The following HADHB variants were observed in gnomAD, a reference collection of about 807,000 sequenced individuals.
HADHB encodes the protein hydroxyacyl-CoA dehydrogenase trifunctional multienzyme complex subunit beta.
In HADHB, 50 loss-of-function variants were observed where a neutral mutation model predicts 61.9. That is an observed-to-expected ratio of 0.81 (90% CI 0.64 to 1.02). HADHB has a LOEUF of 1.02. HADHB is among the 50% of genes least tolerant of loss of function. HADHB has a pLI of 0.00. For missense variants in HADHB, 504 were observed against 586.5 expected (o/e 0.86, Z 1.45); for synonymous variants, 191 against 201.6 (o/e 0.95, Z 0.45).
chr2:26,248,782 C>T (rs780755880), intron 1 of HADHB, among the ~76,000 whole-genome samples: 23 of 152,176 alleles, frequency 1.5e-4, no homozygotes, highest in African/African-American at 5.3e-4. Flanking sequence ...AAAGGCTGGG[C>T]GCAGTGGCTC....
rs907003380 is a variant in HADHB at position 26,277,107 on chromosome 2, C to T, written c.389C>T (p.Pro130Leu). 2 of 1,606,632 alleles carry T rather than the reference C, an allele frequency of 1.2e-6. No homozygotes were observed. The highest frequency in any genetic ancestry group is 2.7e-5 in the African/African-American group (2 of 74,792). Residue 130 changes from proline to leucine, a missense_variant, in exon 7 of 16, where the codon CCT becomes CTT. Transcript: ENST00000317799. The stretch of plus-strand genomic sequence containing the variant: ...GGAGCTGGCTTCTCTGACAAGACTC[C>T]TGCTCACACTGTCACCATGGCTTGT... ...ALGAGFSDKT[P>L]AHTVTMACIS...
chr2:26,263,711 A>G (rs185783088), intron 4 of HADHB, among the ~76,000 whole-genome samples: 5 of 152,308 alleles, frequency 3.3e-5, no homozygotes, highest in East Asian at 1.9e-4. Flanking sequence ...AAACAGCTCT[A>G]TTTTGAAAAC....
At chr2:26,280,682 G>A (rs112394245) in intron 10 of HADHB, among the ~76,000 whole-genome samples, 23,033 of 151,760 alleles carry the variant, frequency 0.15, 1,958 homozygotes, top group Middle Eastern at 0.22. Context: ...GAGAAACCCC[G>A]TCTCTACTAA....
chr2:26,248,747 T>TA (rs1445004073), intron 1 of HADHB, among the ~76,000 whole-genome samples: 1 of 152,078 alleles, frequency 6.6e-6, no homozygotes, highest in African/African-American at 2.4e-5. Flanking sequence ...TGCTTTGATT[T>TA]AAAAAACAAC....
At position 26,261,076 on chromosome 2, in the gene HADHB, C is replaced by T. The variant is rs1270969338; in HGVS notation, c.110-2304C>T. ...GGATGGATCATTGGTGAGTCCAGTA[C>T]CTACTCTGAATCTAATCAGCTTTTA... On this transcript the variant is annotated intron_variant, in intron 3 of 15. Transcript: ENST00000317799. The T allele has an allele frequency of 4.7e-6, 6 of 1,280,176 alleles. No homozygotes were observed. The East Asian group carries it at 1.3e-4, about 27-fold the overall frequency. The allele number at this position is 1,280,176 out of a possible 1,614,324, so 79.3% of individuals were successfully genotyped here.
In HADHB at chr2:26,280,099, C is replaced by G. The variant is rs761800398; in HGVS notation, c.917C>G (p.Ala306Gly). ...FIKPYGTVTA[A>G]NSSFLTDGAS... ...AAGCCCTACGGCACAGTGACAGCTG[C>G]AAATTCTTCTTTCTTGGTAACTGTC... Residue 306 changes from alanine to glycine, a missense_variant, in exon 10 of 16, where the codon GCA becomes GGA. Physicochemically the swap from Ala to Gly is moderately conservative, Grantham distance 60. Transcript: ENST00000317799. 7.4e-6 allele frequency: 12 copies of G among 1,612,600 alleles called. No individual in the cohort carries two copies. Among genetic ancestry groups the G allele is most frequent in the Non-Finnish European group, 8.5e-6 (10 of 1,178,728 alleles).
chr2:26,249,372 A>G (rs1465034845), intron 1 of HADHB, among the ~76,000 whole-genome samples: 1 of 150,858 alleles, frequency 6.6e-6, no homozygotes, highest in Non-Finnish European at 1.5e-5. Context: ...TTAGCCTGGT[A>G]TGGTGGTGTG....
Position 26,278,780 on chromosome 2 carries a change from A to G in HADHB, c.609A>G (p.Arg203=). ...GACTGTCTTTAATCTCTAAATTCCG[A>G]TTTAATTTCCTAGCACCTGAGGTAA... ...GQRLSLISKF[R]FNFLAPELPA... is the part of the protein sequence containing the mutation. The change falls in exon 8 of 16, where the codon CGA becomes CGG. Residue 203 remains arginine (R), a synonymous_variant. Transcript: ENST00000317799. 6.2e-7 allele frequency: 1 copy of G among 1,614,124 alleles called. No homozygotes were observed. Among genetic ancestry groups the G allele is most frequent in the Non-Finnish European group, 8.5e-7 (1 of 1,179,994 alleles).
chr2:26,247,470 G>C (rs1400060909), intron 1 of HADHB, among the ~76,000 whole-genome samples: 5 of 152,054 alleles, frequency 3.3e-5, no homozygotes, highest in Admixed American at 3.3e-4. Context: ...CCACCACCCG[G>C]AGATAACTAC....
chr2:26,260,894 A>T (rs1232818072), intron 3 of HADHB: 2 of 658,730 alleles, frequency 3.0e-6, no homozygotes, highest in Non-Finnish European at 5.3e-6. Flanking sequence ...CTTACGAATG[A>T]CATCAGTTTA....
At chr2:26,262,547 C>T (rs536106007) in intron 3 of HADHB, among the ~76,000 whole-genome samples, 38 of 152,300 alleles carry the variant, frequency 2.5e-4, no homozygotes, top group Non-Finnish European at 2.9e-5. Context: ...AAACCATAGG[C>T]ACACATTTAT....
chr2:26,265,685 G>A (rs1052993624), intron 4 of HADHB, among the ~76,000 whole-genome samples: 14 of 152,184 alleles, frequency 9.2e-5, no homozygotes, highest in Non-Finnish European at 1.6e-4. Flanking sequence ...ATTAGTATTT[G>A]CATGAAGTTT....
chr2:26,246,676 G>GC (rs1178844005), intron 1 of HADHB, among the ~76,000 whole-genome samples: 1 of 152,072 alleles, frequency 6.6e-6, no homozygotes, highest in African/African-American at 2.4e-5. Flanking sequence ...ACTATTTTTA[G>GC]CTAGAGGCCC....
intron 3 of HADHB, among the ~76,000 whole-genome samples, chr2:26,255,577 G>A (rs533262214): frequency 6.6e-6 from 1 of 151,712 alleles, no homozygotes; most frequent in African/African-American, 2.4e-5. Context: ...CTCTCTTCCA[G>A]CTCTACCTCT....
intron 7 of HADHB, among the ~76,000 whole-genome samples, chr2:26,277,633 G>A (rs1008650953): frequency 5.3e-5 from 8 of 152,138 alleles, no homozygotes; most frequent in Non-Finnish European, 1.2e-4. Flanking sequence ...GGTTCTAACC[G>A]TAGTTAACCT....
At chr2:26,284,820 C>T (rs761805257) in intron 13 of HADHB, 63 bp from the exon 14 acceptor site, 44 of 885,676 alleles carry the variant, frequency 5.0e-5, no homozygotes, top group Non-Finnish European at 8.0e-5. Flanking sequence ...ACAAACCATT[C>T]CTATAAGAAA....
At chr2:26,285,280 A>C in intron 14 of HADHB, 127 bp from the exon 15 acceptor site, 1 of 787,068 alleles carries the variant, frequency 1.3e-6, no homozygotes, top group Non-Finnish European at 2.1e-6. Flanking sequence ...TTTGCAGTAA[A>C]ATTATTTGTA....
At chr2:26,277,014 A>G in intron 6 of HADHB, 59 bp from the exon 7 acceptor site, 1 of 846,418 alleles carries the variant, frequency 1.2e-6, no homozygotes, top group South Asian at 1.3e-5. Context: ...TGCTCAAAGC[A>G]TCATTTACAT....
intron 3 of HADHB, chr2:26,260,666 G>C (rs1052376649): frequency 3.8e-6 from 1 of 263,492 alleles, no homozygotes; most frequent in Non-Finnish European, 7.3e-6. Flanking sequence ...ACATCACAAA[G>C]CTAAGGGTTT....
Sources: gnomAD v4.1 joint callset for allele counts (sites outside exome capture counted in the v4.1 genomes callset) on GRCh38, gnomAD v4.1.1 for gene constraint, MANE v1.5 for transcripts, NCBI Gene and HGNC (gene_info 2026-07-23, HGNC 2026-07-21) for gene names.